Variants in CNOT8 observed in about 807,000 individuals in gnomAD.
CNOT8 encodes CCR4-NOT transcription complex subunit 8.
Under a neutral mutation model 34.6 loss-of-function variants are expected in CNOT8, and 18 were observed. The ratio of observed to expected loss-of-function variants is 0.52; its 90% CI spans 0.36 to 0.77. The LOEUF (loss-of-function observed/expected upper bound fraction) is 0.77. Ranked by LOEUF, CNOT8 falls within the 30% of genes least tolerant of loss-of-function variation. The probability of loss-of-function intolerance (pLI) is 0.00; values close to 1 mark genes in which losing one functional copy is unlikely to be tolerated. For synonymous variants in CNOT8, 101 were observed against 118.8 expected (o/e 0.85, Z 0.98); for missense variants, 189 against 347.9 (o/e 0.54, Z 3.63).
intron 2 of CNOT8, among the ~76,000 whole-genome samples, chr5:154,863,921 A>G (rs1761602961): frequency 6.6e-6 from 1 of 152,074 alleles, no homozygotes; most frequent in Admixed American, 6.6e-5. Context: ...AATAGAACTC[A>G]CTTGAATTCC....
intron 3 of CNOT8, among the ~76,000 whole-genome samples, chr5:154,866,186 G>C (rs1392391356): frequency 6.6e-6 from 1 of 152,150 alleles, no homozygotes; most frequent in Non-Finnish European, 1.5e-5. Flanking sequence ...TGTCAATACA[G>C]GGTCTCGCTT....
At chr5:154,860,637 A>AT (rs1761245371) in intron 1 of CNOT8, among the ~76,000 whole-genome samples, 1 of 152,002 alleles carries the variant, frequency 6.6e-6, no homozygotes, top group African/African-American at 2.4e-5. Flanking sequence ...ATTTTATTTT[A>AT]TTTTTTGGCC....
intron 6 of CNOT8, among the ~76,000 whole-genome samples, chr5:154,873,345 G>C (rs1207465059): frequency 6.6e-6 from 1 of 152,168 alleles, no homozygotes; most frequent in Non-Finnish European, 1.5e-5. Context: ...AAGTATTCTT[G>C]AGCACACCCA....
At chr5:154,867,227 A>G (rs990138106) in intron 3 of CNOT8, among the ~76,000 whole-genome samples, 14 of 152,228 alleles carry the variant, frequency 9.2e-5, no homozygotes, top group African/African-American at 3.1e-4. Flanking sequence ...CAGTGTTACA[A>G]TGGATGAGTA....
chr5:154,864,296 TAAAAATACA>T (rs1761649539), intron 2 of CNOT8, among the ~76,000 whole-genome samples: 1 of 152,018 alleles, frequency 6.6e-6, no homozygotes, highest in Non-Finnish European at 1.5e-5. Context: ...CTGCCTCTAC[TAAAAATACA>T]AAAAATTAGC....
chr5:154,865,409 G>T (rs544730710), intron 3 of CNOT8, 24 bp downstream of exon 3: 1 of 1,543,668 alleles, frequency 6.5e-7, no homozygotes, highest in Non-Finnish European at 8.8e-7. Context: ...AAATAAATGC[G>T]TTAATTTTAA....
At chr5:154,875,263 A>C (rs748771303) in intron 6 of CNOT8, 27 bp from the exon 7 acceptor site, 27 of 1,611,880 alleles carry the variant, frequency 1.7e-5, no homozygotes, top group Non-Finnish European at 1.9e-5. Context: ...CATAACTCTC[A>C]CCATGGTTCT....
Position 154,872,650 on chromosome 5 carries a change from A to G in CNOT8, c.728A>G (p.Glu243Gly). ...GGAATGGCTTTCTTTAGGATGAAAGAGGTAAGCTTCCTTGAATGTGATCAC... is the reference window on the plus strand; with the variant it reads ...GGAATGGCTTTCTTTAGGATGAAAGGGGTAAGCTTCCTTGAATGTGATCAC... ...LTGMAFFRMK[E>G]LFFEDSIDDA... Residue 243 changes from glutamate to glycine, a missense_variant and splice_region_variant, in exon 6 of 7, where the codon GAG (glutamate) becomes GGG (glycine). Around this residue, in one of 2 missense-constraint regions of CNOT8, gnomAD observed 160 missense variants for 321.9 expected, o/e 0.50. Transcript: ENST00000285896. 1.2e-6 allele frequency: 2 copies of G among 1,602,130 alleles called. No individual in the cohort carries two copies. The highest frequency in any genetic ancestry group is 1.1e-5 in the South Asian group (1 of 90,482).
At position 154,860,116 on chromosome 5, in the gene CNOT8, A is replaced by C. The variant is rs74697652; in HGVS notation, c.-73+1348A>C. ...TTGGTTGTAACCCAGATAAGTAATT[A>C]GATTACCTTTAGGGGCTGTGTTGTG... On this transcript the variant is annotated intron_variant, in intron 1 of 6. Coordinates refer to ENST00000285896, the MANE Select transcript of CNOT8 (RefSeq NM_001301073.2). Among the ~76,000 whole-genome samples, 189 of 152,304 alleles carry C rather than the reference A, an allele frequency of 1.2e-3. 3 individuals carry two copies. The East Asian group carries it at 0.03, about 25-fold the overall frequency.
At chr5:154,861,166 G>A (rs1221844329) in intron 1 of CNOT8, among the ~76,000 whole-genome samples, 1 of 152,174 alleles carries the variant, frequency 6.6e-6, no homozygotes, top group Non-Finnish European at 1.5e-5. Flanking sequence ...ATTCTGAGTC[G>A]AAACATTTTC....
At chr5:154,866,695 T>C (rs1761911813) in intron 3 of CNOT8, among the ~76,000 whole-genome samples, 1 of 152,080 alleles carries the variant, frequency 6.6e-6, no homozygotes, top group African/African-American at 2.4e-5. Context: ...ACTGGATCAC[T>C]TGAGGCCAGG....
rs763685629 is a variant in CNOT8 at position 154,865,386 on chromosome 5, G to A, written c.311+1G>A. Reference sequence around the variant, plus strand: ...AGTTCAATTTCAAATTTAACCTTACGTAAGTGATTTCTAAATAAATGCGTT... The same window carrying A: ...AGTTCAATTTCAAATTTAACCTTACATAAGTGATTTCTAAATAAATGCGTT... On this transcript the variant is annotated splice_donor_variant, in intron 3 of 6. Coordinates refer to ENST00000285896, the MANE Select transcript of CNOT8 (RefSeq NM_001301073.2). LOFTEE classifies it high-confidence loss of function. 17 of 1,576,506 alleles carry A rather than the reference G, an allele frequency of 1.1e-5. No individual in the cohort carries two copies. The highest frequency in any genetic ancestry group is 2.2e-5 in the East Asian group (1 of 44,488).
At chr5:154,869,641 T>C (rs1029205818) in intron 3 of CNOT8, among the ~76,000 whole-genome samples, 7 of 150,220 alleles carry the variant, frequency 4.7e-5, no homozygotes, top group Non-Finnish European at 1.0e-4. Flanking sequence ...TTTTTTTTTT[T>C]TTGAGAGGGA....
At chr5:154,873,371 G>T (rs1762659995) in intron 6 of CNOT8, among the ~76,000 whole-genome samples, 1 of 152,142 alleles carries the variant, frequency 6.6e-6, no homozygotes, top group Non-Finnish European at 1.5e-5. Context: ...AGAACTTCAT[G>T]TTCTTGTCAG....
chr5:154,871,320 A>G (rs1762460781), intron 4 of CNOT8, among the ~76,000 whole-genome samples: 1 of 152,102 alleles, frequency 6.6e-6, no homozygotes, highest in Non-Finnish European at 1.5e-5. Flanking sequence ...GCACTTTGGG[A>G]GGCTGAGAAA....
chr5:154,858,718 C>A lies in CNOT8; in HGVS notation c.-123C>A. On this transcript the variant is annotated 5_prime_UTR_variant, in exon 1 of 7. Transcript: ENST00000285896. ...CCGTCGGGGAGTCAGCCCGCCAGCC[C>A]GCCAGCTCGTCAGCCCGCCAGCCAG... is the stretch of plus-strand genomic sequence containing the variant. The A allele has an allele frequency of 6.6e-6, 1 of 152,284 alleles. No individual in the cohort carries two copies. 9.4% of individuals were successfully genotyped at this position (152,284 alleles called of 1,614,324 possible).
At chr5:154,862,010 T>C (rs1417406214) in intron 1 of CNOT8, among the ~76,000 whole-genome samples, 1 of 152,236 alleles carries the variant, frequency 6.6e-6, no homozygotes, top group Admixed American at 6.5e-5. Flanking sequence ...TTTGTATTTT[T>C]ATAACCAGGC....
intron 6 of CNOT8, among the ~76,000 whole-genome samples, chr5:154,874,577 C>T (rs1762774517): frequency 6.6e-6 from 1 of 152,114 alleles, no homozygotes; most frequent in Admixed American, 6.5e-5. Context: ...CATTGTCACC[C>T]AGGCTGGGGT....
Position 154,863,220 on chromosome 5 carries a change from T to A in CNOT8, c.-59T>A, listed in dbSNP as rs1761523860. On this transcript the variant is annotated 5_prime_UTR_variant, in exon 2 of 7. It adds an upstream start codon to the 5' untranslated region. Transcript: ENST00000285896. Reference sequence around the variant, plus strand: ...TTTACAATCTAGATCAGACCAAACATTGTCTGGCTTGCACTGTAAAACTAG... The same window carrying A: ...TTTACAATCTAGATCAGACCAAACAATGTCTGGCTTGCACTGTAAAACTAG... 8.7e-7 allele frequency: 1 copy of A among 1,155,930 alleles called. No individual in the cohort carries two copies. The highest frequency in any genetic ancestry group is 1.5e-5 in the African/African-American group (1 of 65,890). The allele number at this position is 1,155,930 out of a possible 1,614,324, so 71.6% of individuals were successfully genotyped here. A position where few individuals can be genotyped will look rare whatever the true frequency, so the allele number is the denominator to read the frequency against.
Sources: allele counts gnomAD v4.1 joint callset (sites outside exome capture counted in the v4.1 genomes callset), GRCh38; gene constraint gnomAD v4.1.1; regional missense constraint gnomAD v4.1.1; transcripts MANE v1.5; gene names NCBI Gene and HGNC (gene_info 2026-07-23, HGNC 2026-07-21).